Variants in TAF4B observed in about 807,000 individuals in gnomAD.
The protein encoded by TAF4B is TATA-box binding protein associated factor 4b.
In TAF4B, 38 loss-of-function variants were observed where a neutral mutation model predicts 86.4. That is an observed-to-expected ratio of 0.44 (90% CI 0.34 to 0.58). TAF4B has a LOEUF of 0.58. Ranked by LOEUF, TAF4B falls within the 20% of genes least tolerant of loss-of-function variation. The pLI is 0.02. For missense variants in TAF4B, 988 were observed against 1,027.6 expected, an observed-to-expected ratio of 0.96 and a Z score of 0.53; for synonymous variants, 388 against 391.2, an observed-to-expected ratio of 0.99 and a Z score of 0.10.
intron 6 of TAF4B, among the ~76,000 whole-genome samples, chr18:26,282,600 T>C (rs1598754943): frequency 6.6e-6 from 1 of 152,358 alleles, no homozygotes; most frequent in Non-Finnish European, 1.5e-5. Context: ...GACTTTTTGC[T>C]GGTCAAGGTG....
In TAF4B at chr18:26,226,993, G is replaced by A; in HGVS notation, c.60G>A (p.Ser20=). 2 of 1,427,746 alleles carry A rather than the reference G, an allele frequency of 1.4e-6. No homozygotes were observed. Among genetic ancestry groups the A allele is most frequent in the African/African-American group, 1.5e-5 (1 of 66,104 alleles). 88.4% of individuals were successfully genotyped at this position (1,427,746 alleles called of 1,614,324 possible). The change falls in exon 1 of 15, where the codon TCG becomes TCA. Residue 20 remains serine, a synonymous_variant. Transcript: ENST00000269142. ...CTCCCCCGGCTGCTGTGAGCGCCTC[G>A]GGGACCGTGACCATGGCCCCGGCCG... ...GAAPPAAVSA[S]GTVTMAPAGA...
chr18:26,285,146 T>A (rs1250557747), intron 6 of TAF4B, among the ~76,000 whole-genome samples: 1 of 149,950 alleles, frequency 6.7e-6, no homozygotes, highest in Non-Finnish European at 1.5e-5. Flanking sequence ...TTAATTTTTG[T>A]GTTTTTTGTA....
intron 14 of TAF4B, among the ~76,000 whole-genome samples, chr18:26,382,872 T>C (rs1255753834): frequency 6.6e-6 from 1 of 152,172 alleles, no homozygotes; most frequent in East Asian, 1.9e-4. Context: ...TAAAAAGTAC[T>C]ACTAAAGTGC....
chr18:26,388,441 T>C (rs188639130), intron 14 of TAF4B, among the ~76,000 whole-genome samples: 6 of 152,358 alleles, frequency 3.9e-5, no homozygotes, highest in African/African-American at 1.4e-4. Flanking sequence ...TGCTAAGCTC[T>C]AGAGGAGACA....
chr18:26,265,756 G>A (rs763678261), intron 2 of TAF4B, among the ~76,000 whole-genome samples: 1 of 152,102 alleles, frequency 6.6e-6, no homozygotes, highest in Non-Finnish European at 1.5e-5. Context: ...GTAGCATGTC[G>A]CTTTGTTGCT....
Position 26,390,235 on chromosome 18 carries a change from G to C in TAF4B, c.*223G>C. ...GAAAATCAGTTATGAAATACACTTT[G>C]CACAGAATTAGGCATCTGCCTATCT... On this transcript the variant is annotated 3_prime_UTR_variant, in exon 15 of 15. Coordinates refer to ENST00000269142, the MANE Select transcript of TAF4B (RefSeq NM_005640.3). The C allele has an allele frequency of 2.1e-6, 1 of 467,736 alleles. No individual in the cohort carries two copies. The highest frequency in any genetic ancestry group is 3.7e-6 in the Non-Finnish European group (1 of 270,524). 29.0% of individuals were successfully genotyped at this position (467,736 alleles called of 1,614,324 possible).
intron 1 of TAF4B, among the ~76,000 whole-genome samples, chr18:26,250,578 A>C (rs918022733): frequency 3.9e-5 from 6 of 152,098 alleles, no homozygotes; most frequent in Non-Finnish European, 7.4e-5. Flanking sequence ...TCCTGAGCTG[A>C]AGCGATCCAC....
chr18:26,238,601 A>G (rs546252199), intron 1 of TAF4B, among the ~76,000 whole-genome samples: 1 of 150,504 alleles, frequency 6.6e-6, no homozygotes, highest in Non-Finnish European at 1.5e-5. Context: ...TTTTTTTTTT[A>G]AATTATACTT....
rs113831164 is a variant in TAF4B, at chr18:26,243,376, C to T, written c.343+16100C>T. On this transcript the variant is annotated intron_variant, in intron 1 of 14. Coordinates refer to ENST00000269142, the MANE Select transcript of TAF4B (RefSeq NM_005640.3). ...TACCCTTTCTTCCAGTTGATCGAAT[C>T]GGCTACTGAAGCTTGTGCATCACGT... is the stretch of plus-strand genomic sequence containing the variant. Among the ~76,000 whole-genome samples, 6 of 152,222 alleles carry T rather than the reference C, an allele frequency of 3.9e-5. No individual in the cohort carries two copies. The South Asian group carries it at 8.3e-4, about 21-fold the overall frequency.
At chr18:26,349,857 A>G (rs1339412984) in intron 13 of TAF4B, among the ~76,000 whole-genome samples, 3 of 152,216 alleles carry the variant, frequency 2.0e-5, no homozygotes, top group African/African-American at 7.2e-5. Context: ...AAAAACAAAA[A>G]CATAAACATA....
At chr18:26,267,492 A>T (rs370814875) in intron 2 of TAF4B, 24 bp from the exon 3 acceptor site, 6 of 1,523,280 alleles carry the variant, frequency 3.9e-6, no homozygotes, top group Non-Finnish European at 5.5e-6. Flanking sequence ...ACTTTGTGTT[A>T]TCTTGCTCCC....
chr18:26,375,852 T>A (rs1365632858), intron 14 of TAF4B, among the ~76,000 whole-genome samples: 1 of 152,220 alleles, frequency 6.6e-6, no homozygotes, highest in African/African-American at 2.4e-5. Flanking sequence ...TACATTTACA[T>A]CTTTGATCCA....
At position 26,384,941 on chromosome 18, in the gene TAF4B, A is replaced by G. The variant is rs933381321; in HGVS notation, c.2422-4904A>G. Among the ~76,000 whole-genome samples, 4 of 152,184 alleles carry G rather than the reference A, an allele frequency of 2.6e-5. 1 individual carries two copies. The highest frequency in any genetic ancestry group is 2.6e-4 in the Admixed American group (4 of 15,274). ...CTGTATATCTTATGCCGCCTAGCAC[A>G]GTTCTTGCCCATAGTAGGTACCCAG... is the stretch of plus-strand genomic sequence containing the variant. On this transcript the variant is annotated intron_variant, in intron 14 of 14. Transcript: ENST00000269142.
intron 14 of TAF4B, among the ~76,000 whole-genome samples, chr18:26,382,362 T>A (rs1321742077): frequency 6.6e-6 from 1 of 152,190 alleles, no homozygotes; most frequent in East Asian, 1.9e-4. Flanking sequence ...AATAATCAAT[T>A]TACTGCCTTT....
intron 14 of TAF4B, among the ~76,000 whole-genome samples, chr18:26,380,218 A>G (rs1598842413): frequency 6.6e-6 from 1 of 152,176 alleles, no homozygotes; most frequent in African/African-American, 2.4e-5. Context: ...GCAGACATCC[A>G]TGCCTTATTC....
intron 9 of TAF4B, among the ~76,000 whole-genome samples, chr18:26,310,612 CTA>C (rs2056844660): frequency 6.6e-6 from 1 of 152,090 alleles, no homozygotes; most frequent in Non-Finnish European, 1.5e-5. Context: ...AAGGAAATAA[CTA>C]GATCTTAAAA....
chr18:26,311,077 T>A (rs9646561), intron 9 of TAF4B, among the ~76,000 whole-genome samples: 33,079 of 152,052 alleles, frequency 0.22, 4,311 homozygotes, highest in Non-Finnish European at 0.3. Context: ...TTCCATTGTT[T>A]CATACTAGGA....
chr18:26,308,626 A>G (rs1378676750), intron 9 of TAF4B, among the ~76,000 whole-genome samples: 1 of 152,076 alleles, frequency 6.6e-6, no homozygotes, highest in African/African-American at 2.4e-5. Context: ...TAATCCGAGC[A>G]CTTTGGGAGG....
At chr18:26,372,367 T>C (rs2057411359) in intron 14 of TAF4B, among the ~76,000 whole-genome samples, 1 of 152,228 alleles carries the variant, frequency 6.6e-6, no homozygotes, top group South Asian at 2.1e-4. Flanking sequence ...ATCCAGGTGA[T>C]TTCAATTGCA....
Sources: allele counts gnomAD v4.1 joint callset (sites outside exome capture counted in the v4.1 genomes callset), GRCh38; gene constraint gnomAD v4.1.1; transcripts MANE v1.5; gene names NCBI Gene and HGNC (gene_info 2026-07-23, HGNC 2026-07-21).